The following PLCXD2 variants were observed in gnomAD, a reference collection of about 807,000 sequenced individuals.
The protein encoded by PLCXD2 is PI-PLC X domain-containing protein 2.
In PLCXD2, 21 loss-of-function variants were observed where a neutral mutation model predicts 28.6. The ratio of observed to expected loss-of-function variants is 0.73; its 90% CI spans 0.52 to 1.06. PLCXD2 has a LOEUF of 1.06. PLCXD2 is among the 50% of genes least tolerant of loss of function. The pLI is 0.00. For missense variants in PLCXD2, 369 were observed against 376.7 expected, an observed-to-expected ratio of 0.98 and a Z score of 0.17; for synonymous variants, 140 against 150.1, an observed-to-expected ratio of 0.93 and a Z score of 0.49.
At chr3:111,688,070 G>C (rs971220762) in intron 1 of PLCXD2, among the ~76,000 whole-genome samples, 6 of 152,080 alleles carry the variant, frequency 3.9e-5, no homozygotes, top group African/African-American at 1.4e-4. Context: ...TCAAATCCTC[G>C]CTACTATTAA....
At chr3:111,681,580 C>G (rs754375733) in intron 1 of PLCXD2, among the ~76,000 whole-genome samples, 2 of 152,148 alleles carry the variant, frequency 1.3e-5, no homozygotes, top group Admixed American at 6.5e-5. Flanking sequence ...CACACATGTA[C>G]CACCCATTAC....
intron 2 of PLCXD2, among the ~76,000 whole-genome samples, chr3:111,713,468 A>G (rs1941228758): frequency 6.6e-6 from 1 of 152,244 alleles, no homozygotes; most frequent in Admixed American, 6.5e-5. Flanking sequence ...TATGGGACTT[A>G]TTAGACTTAC....
chr3:111,723,142 T>C (rs1941368965), intron 3 of PLCXD2: 1 of 152,252 alleles, frequency 6.6e-6, no homozygotes, highest in South Asian at 2.1e-4. Flanking sequence ...TTTGGTCAAT[T>C]GCTAGGGGCT....
intron 2 of PLCXD2, among the ~76,000 whole-genome samples, chr3:111,712,386 A>G (rs1941210992): frequency 6.6e-6 from 1 of 152,112 alleles, no homozygotes; most frequent in African/African-American, 2.4e-5. Flanking sequence ...ACTGCACAGG[A>G]CGGCTTTCCT....
chr3:111,706,812 C>CAAAAAAAAAAAAAAAAA (rs34217304), intron 1 of PLCXD2, among the ~76,000 whole-genome samples: 1 of 115,052 alleles, frequency 8.7e-6, no homozygotes. Context: ...GACTTTAAGG[C>CAAAAAAAAAAAAAAAAA]AAAAAAAAAA....
chr3:111,722,172 C>T (rs1390957222), intron 3 of PLCXD2: 1 of 117,130 alleles, frequency 8.5e-6, no homozygotes, highest in East Asian at 2.6e-4. Flanking sequence ...AAGGAGCCCT[C>T]TTGTGTTTTG....
chr3:111,692,933 G>A (rs1224240212), intron 1 of PLCXD2, among the ~76,000 whole-genome samples: 3 of 152,200 alleles, frequency 2.0e-5, no homozygotes, highest in Non-Finnish European at 2.9e-5. Flanking sequence ...GTCAGTGGAA[G>A]TGTAGAGTCT....
intron 1 of PLCXD2, among the ~76,000 whole-genome samples, chr3:111,706,970 T>G (rs1314392706): frequency 2.0e-5 from 3 of 152,178 alleles, no homozygotes; most frequent in Non-Finnish European, 1.5e-5. Context: ...ATAGGTAGAC[T>G]CCAATAGAAT....
chr3:111,723,634 G>A (rs1341482105), intron 3 of PLCXD2: 1 of 152,192 alleles, frequency 6.6e-6, no homozygotes, highest in Non-Finnish European at 1.5e-5. Context: ...AAACACCTTT[G>A]CATCAGCAGA....
intron 2 of PLCXD2, among the ~76,000 whole-genome samples, chr3:111,709,048 T>A (rs1576461923): frequency 7.2e-6 from 1 of 138,714 alleles, no homozygotes. Context: ...AGGATGACAG[T>A]AGGAGAAAAG....
chr3:111,692,146 G>C (rs1001018565), intron 1 of PLCXD2, among the ~76,000 whole-genome samples: 1 of 152,118 alleles, frequency 6.6e-6, no homozygotes, highest in Admixed American at 6.5e-5. Context: ...GGTTCATGCC[G>C]TTCTCCAGCT....
intron 1 of PLCXD2, among the ~76,000 whole-genome samples, chr3:111,681,867 G>A (rs912477751): frequency 3.3e-5 from 5 of 152,178 alleles, no homozygotes; most frequent in African/African-American, 9.7e-5. Context: ...CTGCCTCTAG[G>A]AACTTAGGAG....
intron 1 of PLCXD2, among the ~76,000 whole-genome samples, chr3:111,686,060 G>A (rs1940790572): frequency 6.6e-6 from 1 of 152,192 alleles, no homozygotes; most frequent in Non-Finnish European, 1.5e-5. Flanking sequence ...TGCCCCTCTG[G>A]CAATCTCAGG....
chr3:111,707,944 G>C lies in PLCXD2; in HGVS notation c.182G>C (p.Ser61Thr). ...TGTACAGGCTCACATGATTCATTCA[G>C]CTACTGGGTGGATGAAAAGTCCCCA... The change falls in exon 2 of 5, where the codon AGC becomes ACC. Residue 61 changes from serine (S) to threonine (T), a missense_variant. Transcript: ENST00000477665. The C allele has an allele frequency of 5.6e-6, 9 of 1,613,696 alleles. No homozygotes were observed. The highest frequency in any genetic ancestry group is 7.6e-6 in the Non-Finnish European group (9 of 1,179,810).
intron 3 of PLCXD2, chr3:111,724,828 G>A (rs1164397466): frequency 4.6e-5 from 7 of 152,318 alleles, no homozygotes; most frequent in Admixed American, 3.3e-4. Flanking sequence ...ACTCCGCTCC[G>A]TTAGCTGAGC....
chr3:111,721,645 CAA>C (rs1415168902), intron 3 of PLCXD2: 2 of 152,186 alleles, frequency 1.3e-5, no homozygotes, highest in Admixed American at 6.5e-5. Context: ...TGGGGCCCAA[CAA>C]GAGATAGATA....
At chr3:111,718,954 A>G (rs1300695911) in intron 3 of PLCXD2, among the ~76,000 whole-genome samples, 1 of 152,242 alleles carries the variant, frequency 6.6e-6, no homozygotes, top group Non-Finnish European at 1.5e-5. Flanking sequence ...GCCTTTGATT[A>G]ATAAAATGAG....
chr3:111,702,694 C>A (rs1401444990), intron 1 of PLCXD2, among the ~76,000 whole-genome samples: 2 of 152,070 alleles, frequency 1.3e-5, no homozygotes, highest in African/African-American at 4.8e-5. Flanking sequence ...TCCCAAGCAG[C>A]AATTCTCTTA....
At position 111,675,256 on chromosome 3, in the gene PLCXD2, T is replaced by C. The variant is rs1940602344; in HGVS notation, c.11T>C (p.Val4Ala). The C allele has an allele frequency of 1.2e-6, 2 of 1,613,644 alleles. No individual in the cohort carries two copies. Among genetic ancestry groups the C allele is most frequent in the Non-Finnish European group, 1.7e-6 (2 of 1,179,850 alleles). The change falls in exon 1 of 5, where the codon GTT (valine) becomes GCT (alanine). Residue 4 changes from valine (V) to alanine (A), a missense_variant. By Grantham distance (64) the Val-to-Ala change is moderately conservative (BLOSUM62 0). Coordinates refer to ENST00000477665, the MANE Select transcript of PLCXD2 (RefSeq NM_001185106.1). The stretch of plus-strand genomic sequence containing the variant: ...TTGTTAACAACAGGGATGCTAGCAG[T>C]TAGGAAGGCCAGGAGGAAACTCAGG...
Sources: gnomAD v4.1 joint callset for allele counts (sites outside exome capture counted in the v4.1 genomes callset) on GRCh38, gnomAD v4.1.1 for gene constraint, MANE v1.5 for transcripts, NCBI Gene and HGNC (gene_info 2026-07-23, HGNC 2026-07-21) for gene names.